Variants in SEC23A observed in about 807,000 individuals in gnomAD.
The protein encoded by SEC23A is protein transport protein Sec23A.
Under a neutral mutation model 103.7 loss-of-function variants are expected in SEC23A, and 56 were observed. That is an observed-to-expected ratio of 0.54 (90% CI 0.44 to 0.67). The LOEUF is 0.67. Among genes scored for constraint, SEC23A ranks in the 30% least tolerant of loss-of-function variants. SEC23A has a pLI of 0.00. For synonymous variants in SEC23A, 281 were observed against 293.0 expected (o/e 0.96, Z 0.42); for missense variants, 784 against 936.4 (o/e 0.84, Z 2.12).
At chr14:39,072,007 G>A (rs1394621611) in intron 9 of SEC23A, among the ~76,000 whole-genome samples, 12 of 151,752 alleles carry the variant, frequency 7.9e-5, no homozygotes, top group Admixed American at 7.9e-4. Context: ...GCCGAGGTGG[G>A]TGGATCTCTT....
At chr14:39,102,436 T>C (rs567986472) in intron 1 of SEC23A, among the ~76,000 whole-genome samples, 21 of 152,262 alleles carry the variant, frequency 1.4e-4, no homozygotes, top group African/African-American at 4.6e-4. Flanking sequence ...CTTCAGTGAT[T>C]GATGTAGATT....
intron 2 of SEC23A, 121 bp downstream of exon 2, chr14:39,095,777 T>C (rs1057284073): frequency 1.3e-6 from 1 of 774,422 alleles, no homozygotes; most frequent in Non-Finnish European, 2.1e-6. Flanking sequence ...TTGTTTTGAC[T>C]GTCCTAATTT....
chr14:39,044,833 T>C (rs1352836426), intron 16 of SEC23A, among the ~76,000 whole-genome samples: 2 of 152,154 alleles, frequency 1.3e-5, no homozygotes, highest in Non-Finnish European at 2.9e-5. Context: ...AGAATTATAA[T>C]CACTTCTGGA....
At chr14:39,078,800 C>G (rs1887125138) in intron 7 of SEC23A, among the ~76,000 whole-genome samples, 2 of 151,132 alleles carry the variant, frequency 1.3e-5, no homozygotes, top group South Asian at 4.2e-4. Context: ...TAAATAGGAG[C>G]AAAGAAAGAT....
chr14:39,101,695 A>T (rs561653517), intron 1 of SEC23A, among the ~76,000 whole-genome samples: 1 of 151,890 alleles, frequency 6.6e-6, no homozygotes, highest in East Asian at 1.9e-4. Flanking sequence ...CCTTTTATTC[A>T]TATCTAATTG....
At chr14:39,086,495 G>A (rs10146739) in intron 6 of SEC23A, among the ~76,000 whole-genome samples, 5,036 of 152,134 alleles carry the variant, frequency 0.033, 117 homozygotes, top group African/African-American at 0.049. Flanking sequence ...GGTGGTGCAT[G>A]CCTGTAATCC....
intron 13 of SEC23A, among the ~76,000 whole-genome samples, chr14:39,058,428 C>A (rs1422344532): frequency 1.3e-5 from 2 of 152,186 alleles, no homozygotes; most frequent in Non-Finnish European, 2.9e-5. Flanking sequence ...CTGCCTCAGC[C>A]TCCCAAATAG....
Position 39,032,142 on chromosome 14 carries a change from T to C in SEC23A, c.*1097A>G, listed in dbSNP as rs539576320. The C allele has an allele frequency of 2.0e-5, 3 of 152,786 alleles. No individual in the cohort carries two copies. The East Asian group carries it at 5.8e-4, about 29-fold the overall frequency. 9.5% of individuals were successfully genotyped at this position (152,786 alleles called of 1,614,324 possible). A position where few individuals can be genotyped will look rare whatever the true frequency, so the allele number is the denominator to read the frequency against. ...CACCTTTTATTTGCAGTACTTGATA[T>C]GTAAATTTCATTGTCAAAACATATC... On this transcript the variant is annotated 3_prime_UTR_variant, in exon 20 of 20. Coordinates refer to ENST00000307712, the MANE Select transcript of SEC23A (RefSeq NM_006364.4).
rs190674422 is a variant in SEC23A at position 39,048,471 on chromosome 14, C to T, written c.1737+181G>A. On this transcript the variant is annotated intron_variant, in intron 15 of 19. Coordinates refer to ENST00000307712, the MANE Select transcript of SEC23A (RefSeq NM_006364.4). ...CCTACCAAAAAAAAAAAAATTAGCT[C>T]GGCATGGTGGCACACTCCTGTAGTC... 3.3e-5 allele frequency among the ~76,000 whole-genome samples: 5 copies of T among 151,764 alleles called. No individual in the cohort carries two copies. The East Asian group carries it at 7.8e-4, about 24-fold the overall frequency.
intron 1 of SEC23A, among the ~76,000 whole-genome samples, chr14:39,097,960 G>A (rs1049021234): frequency 6.6e-6 from 1 of 151,996 alleles, no homozygotes; most frequent in Admixed American, 6.6e-5. Flanking sequence ...AGGGTGGCAT[G>A]CACCTGTAAT....
chr14:39,043,608 C>T (rs1183713801), intron 16 of SEC23A, among the ~76,000 whole-genome samples: 1 of 152,162 alleles, frequency 6.6e-6, no homozygotes, highest in African/African-American at 2.4e-5. Flanking sequence ...GATTAGACTA[C>T]ATCACTGAGA....
In SEC23A at chr14:39,067,235, C is replaced by T; in HGVS notation, c.1165G>A (p.Val389Ile). The change falls in exon 10 of 20, where the codon GTC becomes ATC. Residue 389 changes from valine to isoleucine, a missense_variant. Val to Ile is a conservative substitution (Grantham distance 29). Coordinates refer to ENST00000307712, the MANE Select transcript of SEC23A (RefSeq NM_006364.4). ...TGTCCATGCATGTCTTTGGTAAAGACTCTTTGAAAAGTTTGTTTGAATAAG... is the reference window on the plus strand; with the variant it reads ...TGTCCATGCATGTCTTTGGTAAAGATTCTTTGAAAAGTTTGTTTGAATAAG... ...TSLFKQTFQR[V>I]FTKDMHGQFK... 6.2e-7 allele frequency: 1 copy of T among 1,613,696 alleles called. No individual in the cohort carries two copies. The highest frequency in any genetic ancestry group is 8.5e-7 in the Non-Finnish European group (1 of 1,179,792).
At chr14:39,085,685 TATATACACACACACACACACAC>T in intron 7 of SEC23A, 55 bp downstream of exon 7, 1 of 957,124 alleles carries the variant, frequency 1.0e-6, no homozygotes, top group Non-Finnish European at 1.5e-6. Flanking sequence ...CTTATAATTA[TATATACACACACACACACACAC>T]ACACACACAC....
chr14:39,094,291 TGC>T (rs1315216262), intron 2 of SEC23A, among the ~76,000 whole-genome samples: 1 of 118,698 alleles, frequency 8.4e-6, no homozygotes, highest in African/African-American at 3.1e-5. Context: ...CACATATATA[TGC>T]ATATATACAC....
At chr14:39,093,322 T>A in intron 2 of SEC23A, 78 bp from the exon 3 acceptor site, 1 of 1,187,154 alleles carries the variant, frequency 8.4e-7, no homozygotes, top group Non-Finnish European at 1.2e-6. Flanking sequence ...TCAATAAAAT[T>A]AATTTCTTCC....
intron 13 of SEC23A, among the ~76,000 whole-genome samples, chr14:39,055,964 C>T (rs570993313): frequency 6.6e-5 from 10 of 152,294 alleles, no homozygotes; most frequent in South Asian, 6.2e-4. Context: ...GGCGCTATAG[C>T]GAAGGTTATG....
At chr14:39,090,899 G>A (rs1887639836) in intron 5 of SEC23A, 1 of 271,760 alleles carries the variant, frequency 3.7e-6, no homozygotes, top group Non-Finnish European at 7.1e-6. Context: ...TGATTTGTTT[G>A]CAAAGGACTG....
chr14:39,061,821 A>T lies in SEC23A; in HGVS notation c.1449T>A (p.Thr483=). The stretch of plus-strand genomic sequence containing the variant: ...TCTGCCCACTTGAATGCTGATACTG[A>T]GTCACAAACTGGATTGCACCACGCC... ...QGGRGAIQFV[T]QYQHSSGQRR... Residue 483 remains threonine, a synonymous_variant, in exon 13 of 20, where the codon ACT becomes ACA. Coordinates refer to ENST00000307712, the MANE Select transcript of SEC23A (RefSeq NM_006364.4). 1 of 1,614,002 alleles carries T rather than the reference A, an allele frequency of 6.2e-7. No individual in the cohort carries two copies. The highest frequency in any genetic ancestry group is 1.7e-5 in the Admixed American group (1 of 60,022).
At chr14:39,074,393 C>T (rs1344703591) in intron 9 of SEC23A, 22 bp downstream of exon 9, 1 of 1,442,740 alleles carries the variant, frequency 6.9e-7, no homozygotes, top group African/African-American at 1.4e-5. Flanking sequence ...ATTACAAAAA[C>T]TGTAAAAATT....
Sources: allele counts gnomAD v4.1 joint callset (sites outside exome capture counted in the v4.1 genomes callset), GRCh38; gene constraint gnomAD v4.1.1; transcripts MANE v1.5; gene names NCBI Gene and HGNC (gene_info 2026-07-23, HGNC 2026-07-21).